The following TDRD10 variants were observed in gnomAD, a reference collection of about 807,000 sequenced individuals.
The protein encoded by TDRD10 is tudor domain-containing protein 10.
A neutral mutation model predicts 48.0 loss-of-function variants in TDRD10; 40 were observed. The observed-to-expected ratio is 0.83, with a 90% CI of 0.65 to 1.09. The LOEUF (loss-of-function observed/expected upper bound fraction) is 1.09. Among genes scored for constraint, TDRD10 ranks in the 50% least tolerant of loss-of-function variants. The probability of loss-of-function intolerance (pLI) is 0.00; values close to 1 mark genes in which losing one functional copy is unlikely to be tolerated. For missense variants in TDRD10, 378 were observed against 434.7 expected (o/e 0.87, Z 1.16); for synonymous variants, 162 against 170.4 (o/e 0.95, Z 0.38).
At chr1:154,530,763 T>C (rs1459815652) in intron 6 of TDRD10, among the ~76,000 whole-genome samples, 1 of 152,170 alleles carries the variant, frequency 6.6e-6, no homozygotes, top group Non-Finnish European at 1.5e-5. Flanking sequence ...ATAATTTTTA[T>C]TGCTGTGCCT....
chr1:154,520,607 T>C (rs1694007392), intron 5 of TDRD10, among the ~76,000 whole-genome samples: 1 of 152,220 alleles, frequency 6.6e-6, no homozygotes, highest in Non-Finnish European at 1.5e-5. Flanking sequence ...CCTGGGTATA[T>C]TTTTGGTCAT....
At chr1:154,523,235 TC>T (rs1296264835) in intron 6 of TDRD10, among the ~76,000 whole-genome samples, 1 of 152,298 alleles carries the variant, frequency 6.6e-6, no homozygotes, top group East Asian at 1.9e-4. Context: ...AATGATTTTT[TC>T]TTCCACTTGG....
chr1:154,515,390 C>T (rs576705649), intron 4 of TDRD10, among the ~76,000 whole-genome samples: 3 of 152,178 alleles, frequency 2.0e-5, no homozygotes, highest in Non-Finnish European at 4.4e-5. Context: ...TCTTGGCCCC[C>T]CTCCACTCAG....
chr1:154,537,965 G>T (rs928403909), intron 6 of TDRD10, among the ~76,000 whole-genome samples: 36 of 152,206 alleles, frequency 2.4e-4, no homozygotes, highest in Non-Finnish European at 4.0e-4. Context: ...TTGAGGTGCT[G>T]CCTTGATGTC....
chr1:154,547,361 GC>G, intron 11 of TDRD10, 47 bp from the exon 12 acceptor site: 1 of 1,610,836 alleles, frequency 6.2e-7, no homozygotes, highest in Non-Finnish European at 8.5e-7. Context: ...TGCTCCTCCT[GC>G]CCAACCCCGT....
At chr1:154,519,133 A>G (rs969251734) in intron 4 of TDRD10, among the ~76,000 whole-genome samples, 25 of 152,236 alleles carry the variant, frequency 1.6e-4, no homozygotes, top group African/African-American at 5.8e-4. Context: ...ACCAAATGGA[A>G]TAAAGGATAT....
chr1:154,540,530 A>G (rs902244644), intron 6 of TDRD10, among the ~76,000 whole-genome samples: 5 of 139,642 alleles, frequency 3.6e-5, no homozygotes, highest in East Asian at 2.2e-4. Flanking sequence ...AAAAAAAAAA[A>G]TGCCGTTCAC....
chr1:154,526,670 A>G (rs984990155), intron 6 of TDRD10, among the ~76,000 whole-genome samples: 5 of 151,890 alleles, frequency 3.3e-5, no homozygotes, highest in Non-Finnish European at 5.9e-5. Context: ...GGCCAGGCTG[A>G]TCTCAAACTC....
Position 154,547,944 on chromosome 1 carries a change from T to C in TDRD10, c.*234T>C. 4 of 589,072 alleles carry C rather than the reference T, an allele frequency of 6.8e-6. No homozygotes were observed. The highest frequency in any genetic ancestry group is 2.1e-5 in the South Asian group (1 of 46,546). 36.5% of individuals were successfully genotyped at this position (589,072 alleles called of 1,614,324 possible). A position where few individuals can be genotyped will look rare whatever the true frequency, so the allele number is the denominator to read the frequency against. ...TTGGCATGAACATTTGAACCAAACA[T>C]AGGAAACTACCATTAGGTTGAAAGC... On this transcript the variant is annotated 3_prime_UTR_variant, in exon 13 of 13. Coordinates refer to ENST00000368482, the MANE Select transcript of TDRD10 (RefSeq NM_182499.4).
intron 4 of TDRD10, among the ~76,000 whole-genome samples, chr1:154,511,225 C>G (rs932226155): frequency 1.3e-5 from 2 of 151,856 alleles, no homozygotes; most frequent in Non-Finnish European, 2.9e-5. Flanking sequence ...CCACCTCAGC[C>G]TCCTATGTAG....
intron 11 of TDRD10, among the ~76,000 whole-genome samples, 171 bp downstream of exon 11, chr1:154,545,120 T>C (rs1695478599): frequency 6.6e-6 from 1 of 152,020 alleles, no homozygotes; most frequent in African/African-American, 2.4e-5. Flanking sequence ...CTCTCAAGTG[T>C]TGGTTTTCAT....
Position 154,547,665 on chromosome 1 carries a change from C to CT in TDRD10, c.1024-10dup. 6.2e-7 allele frequency: 1 copy of CT among 1,614,166 alleles called. No homozygotes were observed. Among genetic ancestry groups the CT allele is most frequent in the Non-Finnish European group, 8.5e-7 (1 of 1,180,018 alleles). On this transcript the variant is annotated splice_polypyrimidine_tract_variant and intron_variant, in intron 12 of 12. Coordinates refer to ENST00000368482, the MANE Select transcript of TDRD10 (RefSeq NM_182499.4). ...GCCTTCCTTCCCACCAAGGCTTTGTCTTTCTCTTCCAGTTGCACATCCTAA... is the reference window on the plus strand; with the variant it reads ...GCCTTCCTTCCCACCAAGGCTTTGTCTTTTCTCTTCCAGTTGCACATCCTAA...
In TDRD10 at chr1:154,503,005, G is replaced by GCA. The variant is rs1407333950; in HGVS notation, c.-50_-49dup. ...AAGGCTGGGCGTCGCGATCGCAGGT[G>GCA]CACGCGCGTGGCCCGCGAGACGAGG... On this transcript the variant is annotated 5_prime_UTR_variant, in exon 1 of 13. Coordinates refer to ENST00000368482, the MANE Select transcript of TDRD10 (RefSeq NM_182499.4). 6.6e-6 allele frequency: 1 copy of GCA among 152,256 alleles called. No homozygotes were observed. The highest frequency in any genetic ancestry group is 1.5e-5 in the Non-Finnish European group (1 of 68,086). The allele number at this position is 152,256 out of a possible 1,614,324, so 9.4% of individuals were successfully genotyped here.
At position 154,542,770 on chromosome 1, in the gene TDRD10, G is replaced by T; in HGVS notation, c.452G>T (p.Cys151Phe). 1 of 1,613,960 alleles carries T rather than the reference G, an allele frequency of 6.2e-7. No homozygotes were observed. Among genetic ancestry groups the T allele is most frequent in the Non-Finnish European group, 8.5e-7 (1 of 1,179,918 alleles). The change falls in exon 8 of 13, where the codon TGT becomes TTT. Residue 151 changes from cysteine (C) to phenylalanine (F), a missense_variant. Cys to Phe is a radical substitution (Grantham distance 205, BLOSUM62 -2). This residue lies in a region of TDRD10 where 310 missense variants were observed against 323.6 expected (regional missense o/e 0.96). Transcript: ENST00000368482. The stretch of plus-strand genomic sequence containing the variant: ...GCTCCTAAAGCTCCTGTTGACCTGT[G>T]TGAGACAGAGAAACTGAGGGCAGCC... Reference protein sequence around the residue: ...QLAPKAPVDLCETEKLRAAFF... With the variant: ...QLAPKAPVDLFETEKLRAAFF...
At chr1:154,507,836 C>T (rs1693235630) in intron 3 of TDRD10, among the ~76,000 whole-genome samples, 1 of 152,202 alleles carries the variant, frequency 6.6e-6, no homozygotes, top group Admixed American at 6.5e-5. Flanking sequence ...ATGTGCTCAG[C>T]TTTTTTGTAT....
intron 6 of TDRD10, among the ~76,000 whole-genome samples, chr1:154,530,546 C>T (rs9427076): frequency 0.12 from 18,497 of 151,244 alleles, 1,398 homozygotes; most frequent in South Asian, 0.19. Flanking sequence ...CTGAGATTAC[C>T]GAGCTGAGCC....
chr1:154,545,471 T>A (rs992252910), intron 11 of TDRD10, among the ~76,000 whole-genome samples: 3 of 152,058 alleles, frequency 2.0e-5, no homozygotes, highest in Non-Finnish European at 2.9e-5. Flanking sequence ...TTAGGTGAAA[T>A]GTAAAAGGAT....
In TDRD10 at chr1:154,502,988, G is replaced by C. The variant is rs921235500; in HGVS notation, c.-69G>C. ...CGGAGGGAGAAGGCGCGAAGGCTGG[G>C]CGTCGCGATCGCAGGTGCACGCGCG... On this transcript the variant is annotated 5_prime_UTR_variant, in exon 1 of 13. Coordinates refer to ENST00000368482, the MANE Select transcript of TDRD10 (RefSeq NM_182499.4). The C allele has an allele frequency of 2.6e-5, 4 of 152,388 alleles. No homozygotes were observed. The highest frequency in any genetic ancestry group is 9.6e-5 in the African/African-American group (4 of 41,580). 9.4% of individuals were successfully genotyped at this position (152,388 alleles called of 1,614,324 possible).
At chr1:154,506,847 T>C in intron 1 of TDRD10, 30 bp from the exon 2 acceptor site, 1 of 1,589,826 alleles carries the variant, frequency 6.3e-7, no homozygotes, top group South Asian at 1.1e-5. Flanking sequence ...ATCCTGGCAT[T>C]CCTCTAACTG....
Sources: gnomAD v4.1 joint callset for allele counts (sites outside exome capture counted in the v4.1 genomes callset) on GRCh38, gnomAD v4.1.1 for gene constraint, gnomAD v4.1.1 regional missense constraint, MANE v1.5 for transcripts, NCBI Gene and HGNC (gene_info 2026-07-23, HGNC 2026-07-21) for gene names.